Variants in BNC1 observed in about 807,000 individuals in gnomAD.
BNC1 encodes the protein basonuclin zinc finger protein 1, also known as zinc finger protein basonuclin-1.
In BNC1, 8 loss-of-function variants were observed where a neutral mutation model predicts 66.5. That is an observed-to-expected ratio of 0.12 (90% CI 0.07 to 0.22). The LOEUF (loss-of-function observed/expected upper bound fraction) is 0.22, where lower values mean the gene tolerates loss of function less well. Among genes scored for constraint, BNC1 ranks in the 10% least tolerant of loss-of-function variants. The probability of loss-of-function intolerance (pLI) is 1.00; values close to 1 mark genes in which losing one functional copy is unlikely to be tolerated. For missense variants in BNC1, 1,069 were observed against 1,241.3 expected (o/e 0.86, Z 2.09); for synonymous variants, 454 against 452.6 (o/e 1.00, Z -0.04).
chr15:83,267,502 C>A (rs1391851806), intron 2 of BNC1, among the ~76,000 whole-genome samples: 1 of 152,102 alleles, frequency 6.6e-6, no homozygotes, highest in Non-Finnish European at 1.5e-5. Context: ...AACAAATTAA[C>A]CCCCCTAAGG....
intron 4 of BNC1, among the ~76,000 whole-genome samples, chr15:83,261,723 A>C (rs1414220772): frequency 6.6e-6 from 1 of 152,200 alleles, no homozygotes; most frequent in Non-Finnish European, 1.5e-5. Flanking sequence ...CTTTGTAAAC[A>C]GTTTGCCTGC....
chr15:83,282,421 AAGG>A (rs376993685), intron 1 of BNC1, among the ~76,000 whole-genome samples: 1 of 152,376 alleles, frequency 6.6e-6, no homozygotes, highest in East Asian at 1.9e-4. Flanking sequence ...ATCATCACAA[AAGG>A]AGAAGCCATC....
At chr15:83,260,492 T>G (rs1480401408) in intron 4 of BNC1, among the ~76,000 whole-genome samples, 1 of 152,218 alleles carries the variant, frequency 6.6e-6, no homozygotes, top group Non-Finnish European at 1.5e-5. Flanking sequence ...GTTTCAGAGT[T>G]ACTGGTGTAG....
At position 83,272,716 on chromosome 15, in the gene BNC1, A is replaced by G. The variant is rs1394443908; in HGVS notation, c.100-4484T>C. The stretch of plus-strand genomic sequence containing the variant: ...ACCAGGTGACTGTCTCAGGTTCAGC[A>G]CAGCAAAATCATAGAGGGAACAATT... On this transcript the variant is annotated intron_variant, in intron 1 of 4. Coordinates refer to ENST00000345382, the MANE Select transcript of BNC1 (RefSeq NM_001717.4). Among the ~76,000 whole-genome samples, 5 of 152,320 alleles carry G rather than the reference A, an allele frequency of 3.3e-5. No individual in the cohort carries two copies. The South Asian group carries it at 6.2e-4, about 19-fold the overall frequency.
In BNC1 at chr15:83,284,639, G is replaced by C. The variant is rs2151442187; in HGVS notation, c.-11C>G. The C allele has an allele frequency of 1.0e-6, 1 of 988,376 alleles. No homozygotes were observed. The highest frequency in any genetic ancestry group is 1.1e-4 in the East Asian group (1 of 8,998). 61.2% of individuals were successfully genotyped at this position (988,376 alleles called of 1,614,324 possible). ...CGGGCGCCGCCGCATCCACGCTCCG[G>C]CCGTCGGGGCGCGACCCGGCGAAGT... On this transcript the variant is annotated 5_prime_UTR_variant, in exon 1 of 5. Transcript: ENST00000345382.
intron 4 of BNC1, among the ~76,000 whole-genome samples, chr15:83,260,200 A>G (rs772848789): frequency 6.6e-6 from 1 of 152,216 alleles, no homozygotes; most frequent in African/African-American, 2.4e-5. Flanking sequence ...GCAACAGAGC[A>G]TATGCAGAAG....
At chr15:83,280,088 T>C (rs1346867292) in intron 1 of BNC1, among the ~76,000 whole-genome samples, 1 of 152,234 alleles carries the variant, frequency 6.6e-6, no homozygotes, top group Non-Finnish European at 1.5e-5. Context: ...AATAATTTAA[T>C]GTCTGTGCTT....
chr15:83,284,050 G>A (rs938365649), intron 1 of BNC1, among the ~76,000 whole-genome samples: 7 of 151,552 alleles, frequency 4.6e-5, no homozygotes, highest in Non-Finnish European at 8.8e-5. Context: ...TCCCCGGAGA[G>A]AAAGACGGCC....
rs893083924 is a variant in BNC1, at chr15:83,256,780, TGA to T, written c.*660_*661del. 17 of 152,236 alleles carry T rather than the reference TGA, an allele frequency of 1.1e-4. No individual in the cohort carries two copies. The highest frequency in any genetic ancestry group is 4.1e-4 in the African/African-American group (17 of 41,468). 9.4% of individuals were successfully genotyped at this position (152,236 alleles called of 1,614,324 possible). A position where few individuals can be genotyped will look rare whatever the true frequency, so the allele number is the denominator to read the frequency against. ...AATTGAAGACCATTATTTAAGTGCA[TGA>T]GATATTTTTCCCCTAGCTTCTTGAA... On this transcript the variant is annotated 3_prime_UTR_variant, in exon 5 of 5. Coordinates refer to ENST00000345382, the MANE Select transcript of BNC1 (RefSeq NM_001717.4).
chr15:83,275,362 GGC>G (rs2038309335), intron 1 of BNC1, among the ~76,000 whole-genome samples: 1 of 152,154 alleles, frequency 6.6e-6, no homozygotes, highest in Admixed American at 6.5e-5. Flanking sequence ...CAGGCGTGGT[GGC>G]GCATGCCTGT....
Position 83,264,681 on chromosome 15 carries a change from C to A in BNC1, c.570G>T (p.Glu190Asp), listed in dbSNP as rs1472433054. The change falls in exon 4 of 5, where the codon GAG becomes GAT. Residue 190 changes from glutamate (E) to aspartate (D), a missense_variant. Glu to Asp is a conservative substitution (Grantham distance 45). Coordinates refer to ENST00000345382, the MANE Select transcript of BNC1 (RefSeq NM_001717.4). Reference sequence around the variant, plus strand: ...TGGAAGGTGGTATGATGATGGATTGCTCTTCTTTCTCTTGAATTGCCATGA... The same window carrying A: ...TGGAAGGTGGTATGATGATGGATTGATCTTCTTTCTCTTGAATTGCCATGA... ...VELMAIQEKE[E>D]QSIIIPPSTA... 6.2e-6 allele frequency: 10 copies of A among 1,614,026 alleles called. No individual in the cohort carries two copies. Among genetic ancestry groups the A allele is most frequent in the Non-Finnish European group, 8.5e-6 (10 of 1,180,028 alleles).
intron 1 of BNC1, among the ~76,000 whole-genome samples, chr15:83,274,246 G>A (rs554973689): frequency 2.0e-5 from 3 of 152,272 alleles, no homozygotes; most frequent in Non-Finnish European, 2.9e-5. Context: ...TTTGCCGGGC[G>A]TGGTGGCAGG....
At position 83,284,651 on chromosome 15, in the gene BNC1, C is replaced by T; in HGVS notation, c.-23G>A. Reference sequence around the variant, plus strand: ...CATCCACGCTCCGGCCGTCGGGGCGCGACCCGGCGAAGTGGGCGGCTCCCC... The same window carrying T: ...CATCCACGCTCCGGCCGTCGGGGCGTGACCCGGCGAAGTGGGCGGCTCCCC... On this transcript the variant is annotated 5_prime_UTR_variant, in exon 1 of 5. Transcript: ENST00000345382. 13 of 979,310 alleles carry T rather than the reference C, an allele frequency of 1.3e-5. No individual in the cohort carries two copies. Among genetic ancestry groups the T allele is most frequent in the Non-Finnish European group, 1.6e-5 (13 of 825,164 alleles). 60.7% of individuals were successfully genotyped at this position (979,310 alleles called of 1,614,324 possible).
intron 1 of BNC1, among the ~76,000 whole-genome samples, chr15:83,270,580 C>T (rs2038260553): frequency 5.9e-5 from 9 of 152,076 alleles, no homozygotes; most frequent in Admixed American, 5.9e-4. Flanking sequence ...CCCCTGATGG[C>T]GAATGGTGCT....
chr15:83,257,893 T>A lies in BNC1; in HGVS notation c.2534A>T (p.Tyr845Phe). ...GCCCTCGCTCAAGGGGCCAGAGTTG[T>A]AGCTCTCCAGGCTGGCACTGTGGAC... ...TQVHSASLES[Y>F]NSGPLSEGTI... is the part of the protein sequence containing the mutation. The change falls in exon 5 of 5, where the codon TAC becomes TTC. Residue 845 changes from tyrosine to phenylalanine, a missense_variant. By Grantham distance (22) the Tyr-to-Phe change is conservative (BLOSUM62 3). Coordinates refer to ENST00000345382, the MANE Select transcript of BNC1 (RefSeq NM_001717.4). The A allele has an allele frequency of 1.2e-6, 2 of 1,614,202 alleles. No individual in the cohort carries two copies. The highest frequency in any genetic ancestry group is 1.7e-6 in the Non-Finnish European group (2 of 1,180,030).
In BNC1 at chr15:83,260,214, A is replaced by G. The variant is rs539647358; in HGVS notation, c.2301-2088T>C. ...TGCAACAGAGCATATGCAGAAGCAG[A>G]TATGAGAATCTAGCTGTCTTCTACG... On this transcript the variant is annotated intron_variant, in intron 4 of 4. Coordinates refer to ENST00000345382, the MANE Select transcript of BNC1 (RefSeq NM_001717.4). Among the ~76,000 whole-genome samples, 12 of 152,348 alleles carry G rather than the reference A, an allele frequency of 7.9e-5. No individual in the cohort carries two copies. In the South Asian group the frequency reaches 1.0e-3, roughly 13 times the overall value.
At chr15:83,270,676 G>A (rs991310150) in intron 1 of BNC1, among the ~76,000 whole-genome samples, 2 of 151,790 alleles carry the variant, frequency 1.3e-5, no homozygotes, top group African/African-American at 4.8e-5. Context: ...TTTTAAATTG[G>A]GTTGTTTACC....
chr15:83,264,428 C>T lies in BNC1; in HGVS notation c.823G>A (p.Asp275Asn), dbSNP rs568405348. The change falls in exon 4 of 5, where the codon GAC becomes AAC. Residue 275 changes from aspartate (D) to asparagine (N), a missense_variant. Asp to Asn is a conservative substitution (Grantham distance 23). Transcript: ENST00000345382. ...MLEQGHDQSQ[D>N]PKQEVHGPFP... ...GGCCCATGGACTTCCTGTTTGGGGT[C>T]CTGACTTTGGTCATGACCCTGCTCC... 2 of 1,614,134 alleles carry T rather than the reference C, an allele frequency of 1.2e-6. No homozygotes were observed. The highest frequency in any genetic ancestry group is 1.7e-6 in the Non-Finnish European group (2 of 1,180,028).
At chr15:83,269,770 A>G (rs1442776066) in intron 1 of BNC1, among the ~76,000 whole-genome samples, 1 of 152,238 alleles carries the variant, frequency 6.6e-6, no homozygotes, top group Non-Finnish European at 1.5e-5. Context: ...AAACTTGTAT[A>G]TGAATGTTCA....
Sources: allele counts gnomAD v4.1 joint callset (sites outside exome capture counted in the v4.1 genomes callset), GRCh38; gene constraint gnomAD v4.1.1; transcripts MANE v1.5; gene names NCBI Gene and HGNC (gene_info 2026-07-23, HGNC 2026-07-21).